The following TNC variants were observed in gnomAD, a reference collection of about 807,000 sequenced individuals.
TNC encodes the protein tenascin.
Under a neutral mutation model 202.4 loss-of-function variants are expected in TNC, and 109 were observed. The observed-to-expected ratio is 0.54, with a 90% CI of 0.46 to 0.63. The LOEUF (loss-of-function observed/expected upper bound fraction) is 0.63, where lower values mean the gene tolerates loss of function less well. TNC is among the 30% of genes least tolerant of loss of function. TNC has a pLI of 0.00. For missense variants in TNC, 2,756 were observed against 2,833.3 expected, an observed-to-expected ratio of 0.97 and a Z score of 0.62; for synonymous variants, 1,007 against 1,089.7, an observed-to-expected ratio of 0.92 and a Z score of 1.50.
chr9:115,063,040 C>T lies in TNC; in HGVS notation c.3910G>A (p.Val1304Ile). 6.2e-7 allele frequency: 1 copy of T among 1,614,042 alleles called. No individual in the cohort carries two copies. Among genetic ancestry groups the T allele is most frequent in the Admixed American group, 1.7e-5 (1 of 60,000 alleles). The stretch of plus-strand genomic sequence containing the variant: ...TCCATGGAACGCAGGCTGCCAGGAA[C>T]CGTGAGATTGTGAGCCTCTTCCACC... ...DQVEEAHNLTVPGSLRSMEIP... is the reference protein window; with the variant it reads ...DQVEEAHNLTIPGSLRSMEIP... Residue 1304 changes from valine to isoleucine, a missense_variant, in exon 13 of 28, where the codon GTT (valine) becomes ATT (isoleucine). By Grantham distance (29) the Val-to-Ile change is conservative. This residue lies in a region of TNC where 2,559 missense variants were observed against 2,546.0 expected (regional missense o/e 1.01). Transcript: ENST00000350763.
intron 27 of TNC, among the ~76,000 whole-genome samples, chr9:115,023,258 G>A (rs1829224345): frequency 6.6e-6 from 1 of 152,194 alleles, no homozygotes; most frequent in Non-Finnish European, 1.5e-5. Context: ...AACTTCTGTG[G>A]AGGGACCTGG....
intron 1 of TNC, among the ~76,000 whole-genome samples, chr9:115,092,926 C>T (rs1835343466): frequency 6.6e-6 from 1 of 152,038 alleles, no homozygotes; most frequent in Non-Finnish European, 1.5e-5. Context: ...ATTGACATTT[C>T]CCTATGCCCA....
chr9:115,048,222 C>A, intron 16 of TNC, 38 bp downstream of exon 16: 2 of 1,603,924 alleles, frequency 1.2e-6, no homozygotes, highest in South Asian at 2.2e-5. Flanking sequence ...AGAAGGGGAC[C>A]AGGAAGAGGA....
At chr9:115,108,811 G>C (rs1006367381) in intron 1 of TNC, among the ~76,000 whole-genome samples, 2 of 152,152 alleles carry the variant, frequency 1.3e-5, no homozygotes, top group African/African-American at 2.4e-5. Flanking sequence ...ACCCCATAGA[G>C]CTGCCTTATG....
chr9:115,047,352 G>A (rs1009276866), intron 16 of TNC, among the ~76,000 whole-genome samples: 1 of 151,754 alleles, frequency 6.6e-6, no homozygotes, highest in African/African-American at 2.4e-5. Context: ...TGGACCCAGG[G>A]TTTCATCTTG....
At chr9:115,065,609 GA>G (rs916839958) in intron 10 of TNC, among the ~76,000 whole-genome samples, 2 of 152,010 alleles carry the variant, frequency 1.3e-5, no homozygotes, top group Non-Finnish European at 2.9e-5. Context: ...TGAGCTGTCC[GA>G]CCTTCTGTAT....
Position 115,081,844 on chromosome 9 carries a change from C to T in TNC, c.2332G>A (p.Glu778Lys), listed in dbSNP as rs779565920. 1.7e-5 allele frequency: 27 copies of T among 1,608,672 alleles called. No individual in the cohort carries two copies. The East Asian group carries it at 5.6e-4, about 33-fold the overall frequency. The part of the protein sequence containing the change: ...YRQTGLAPGQ[E>K]YEISLHIVKN... ...ACTATGTGCAGAGATATCTCATACTCTTGCCCAGGAGCTAGACCAGTTTGC... is the reference window on the plus strand; with the variant it reads ...ACTATGTGCAGAGATATCTCATACTTTTGCCCAGGAGCTAGACCAGTTTGC... The change falls in exon 6 of 28, where the codon GAG becomes AAG. Residue 778 changes from glutamate to lysine, a missense_variant. Around this residue, in one of 2 missense-constraint regions of TNC, gnomAD observed 2,559 missense variants for 2,546.0 expected, o/e 1.01. Transcript: ENST00000350763.
At chr9:115,064,618 G>A (rs769248799) in intron 11 of TNC, 29 bp downstream of exon 11, 1 of 1,569,746 alleles carries the variant, frequency 6.4e-7, no homozygotes, top group African/African-American at 1.4e-5. Context: ...GGGAAAAACA[G>A]AAGCTATAAA....
chr9:115,052,475 CAATAAATAAATA>C (rs200189324), intron 15 of TNC, among the ~76,000 whole-genome samples: 41 of 148,074 alleles, frequency 2.8e-4, no homozygotes, highest in African/African-American at 7.7e-4. Flanking sequence ...TCTCACAGCA[CAATAAATAAATA>C]AATAAATAAA....
intron 1 of TNC, chr9:115,115,120 A>C (rs1837368574): frequency 6.6e-6 from 1 of 152,164 alleles, no homozygotes; most frequent in Non-Finnish European, 1.5e-5. Context: ...GAGAGAGAGG[A>C]GAGAATATGT....
chr9:115,057,268 A>G lies in TNC; in HGVS notation c.4464T>C (p.Gly1488=). The change falls in exon 15 of 28, where the codon GGT becomes GGC. Residue 1488 remains glycine (G), a synonymous_variant. Transcript: ENST00000350763. The stretch of plus-strand genomic sequence containing the variant: ...CTGAGATATGGGCAGTTCGTTCAGC[A>G]CCAGAGATATTATATTCCACAGTCT... ...LLETVEYNIS[G]AERTAHISGL... 1 of 1,614,226 alleles carries G rather than the reference A, an allele frequency of 6.2e-7. No individual in the cohort carries two copies. Among genetic ancestry groups the G allele is most frequent in the Non-Finnish European group, 8.5e-7 (1 of 1,180,034 alleles).
intron 17 of TNC, among the ~76,000 whole-genome samples, chr9:115,045,237 ATGTCTC>A (rs1181908714): frequency 6.6e-6 from 1 of 152,172 alleles, no homozygotes; most frequent in Non-Finnish European, 1.5e-5. Context: ...AGCGAATGCT[ATGTCTC>A]TGCATCTCCC....
intron 1 of TNC, among the ~76,000 whole-genome samples, chr9:115,116,010 T>G (rs1837436376): frequency 6.6e-6 from 1 of 152,204 alleles, no homozygotes; most frequent in South Asian, 2.1e-4. Flanking sequence ...CTAAGAAAAG[T>G]TTCCATTTAT....
At chr9:115,044,220 T>A (rs1377635401) in intron 17 of TNC, among the ~76,000 whole-genome samples, 5 of 151,208 alleles carry the variant, frequency 3.3e-5, no homozygotes, top group African/African-American at 1.2e-4. Context: ...AGAGAAGAGT[T>A]TACAATGGTA....
chr9:115,116,929 G>T (rs1837510603), intron 1 of TNC, among the ~76,000 whole-genome samples: 1 of 152,132 alleles, frequency 6.6e-6, no homozygotes, highest in Admixed American at 6.6e-5. Flanking sequence ...ATCCAAGACT[G>T]GCTCAATGCC....
chr9:115,058,552 G>A (rs1402179994), intron 14 of TNC, among the ~76,000 whole-genome samples: 1 of 152,182 alleles, frequency 6.6e-6, no homozygotes, highest in Non-Finnish European at 1.5e-5. Context: ...TGCCTTCAGA[G>A]TAGCCTCGGC....
intron 1 of TNC, among the ~76,000 whole-genome samples, chr9:115,108,008 G>C (rs562252995): frequency 1.3e-5 from 2 of 152,296 alleles, no homozygotes; most frequent in East Asian, 3.9e-4. Context: ...ATATTGGCGA[G>C]TTTCCGTTGG....
intron 13 of TNC, among the ~76,000 whole-genome samples, chr9:115,061,250 C>G (rs1832522883): frequency 6.6e-6 from 1 of 152,124 alleles, no homozygotes; most frequent in South Asian, 2.1e-4. Flanking sequence ...TCTGAGCAAC[C>G]TCTTGCTTTT....
chr9:115,031,692 G>C lies in TNC; in HGVS notation c.5788-7C>G, dbSNP rs961039071. 6.2e-7 allele frequency: 1 copy of C among 1,605,068 alleles called. No homozygotes were observed. The highest frequency in any genetic ancestry group is 1.3e-5 in the African/African-American group (1 of 74,434). The stretch of plus-strand genomic sequence containing the variant: ...CTGGACCCACAATGACTTCCTAAGA[G>C]CAGAAGAAAAAGTATAATGGCTTTT... On this transcript the variant is annotated splice_region_variant and splice_polypyrimidine_tract_variant and intron_variant, in intron 22 of 27. Coordinates refer to ENST00000350763, the MANE Select transcript of TNC (RefSeq NM_002160.4).
Sources: gnomAD v4.1 joint callset for allele counts (sites outside exome capture counted in the v4.1 genomes callset) on GRCh38, gnomAD v4.1.1 for gene constraint, gnomAD v4.1.1 regional missense constraint, MANE v1.5 for transcripts, NCBI Gene and HGNC (gene_info 2026-07-23, HGNC 2026-07-21) for gene names.